The following C8B variants were observed in gnomAD, a reference collection of about 807,000 sequenced individuals.
The protein encoded by C8B is complement C8 beta chain, also known as complement component C8 beta chain.
C8B carries 67 observed loss-of-function variants against 64.6 expected under a neutral mutation model. That is an observed-to-expected ratio of 1.04 (90% CI 0.85 to 1.27). The LOEUF is 1.27. C8B is among the 50% of genes most tolerant of loss of function. C8B has a pLI of 0.00. For missense variants in C8B, 790 were observed against 725.2 expected (o/e 1.09, Z -1.03); for synonymous variants, 284 against 257.7 (o/e 1.10, Z -0.98).
At chr1:56,959,657 C>A (rs1057058574) in intron 2 of C8B, 2 of 1,529,568 alleles carry the variant, frequency 1.3e-6, no homozygotes, top group Admixed American at 3.9e-5. Context: ...TGGACTTGAT[C>A]CTAAGGGTCA....
intron 4 of C8B, 98 bp from the exon 5 acceptor site, chr1:56,952,278 A>G (rs531926532): frequency 3.4e-4 from 516 of 1,540,194 alleles, no homozygotes; most frequent in Middle Eastern, 3.3e-4. Context: ...ACTCCTTGGC[A>G]CAGCCTTCAA....
At chr1:56,945,730 T>C (rs1178006014) in intron 7 of C8B, 91 bp downstream of exon 7, 1 of 1,499,332 alleles carries the variant, frequency 6.7e-7, no homozygotes, top group Non-Finnish European at 9.3e-7. Context: ...ACTGTGAAGG[T>C]GTAGCCAGGA....
chr1:56,961,099 C>G (rs1645173825), intron 1 of C8B, among the ~76,000 whole-genome samples: 1 of 152,138 alleles, frequency 6.6e-6, no homozygotes, highest in African/African-American at 2.4e-5. Context: ...TTTCCTGGAG[C>G]ACATTGGGTT....
chr1:56,955,308 G>A (rs955408296), intron 3 of C8B, among the ~76,000 whole-genome samples: 6 of 152,176 alleles, frequency 3.9e-5, no homozygotes, highest in African/African-American at 1.2e-4. Context: ...TGAGGGCCAA[G>A]TGCACATTAA....
chr1:56,948,274 A>G (rs1644972246), intron 6 of C8B, among the ~76,000 whole-genome samples: 1 of 152,222 alleles, frequency 6.6e-6, no homozygotes, highest in African/African-American at 2.4e-5. Flanking sequence ...AGTTGGGCAC[A>G]GTAAGAGATG....
intron 1 of C8B, chr1:56,963,828 A>AAT: frequency 1.0e-6 from 1 of 981,368 alleles, no homozygotes; most frequent in Non-Finnish European, 1.2e-6. Flanking sequence ...ACAGAGTGGC[A>AAT]ATACATAATA....
chr1:56,961,541 G>A (rs941097185), intron 1 of C8B, among the ~76,000 whole-genome samples: 6 of 152,100 alleles, frequency 3.9e-5, no homozygotes, highest in African/African-American at 7.2e-5. Flanking sequence ...GGTTTTGTCC[G>A]TTGCCCCATG....
intron 1 of C8B, among the ~76,000 whole-genome samples, chr1:56,962,534 C>G (rs540603265): frequency 5.9e-5 from 9 of 152,266 alleles, no homozygotes; most frequent in African/African-American, 1.9e-4. Flanking sequence ...GACCAACTGA[C>G]TAAACTTCTG....
At position 56,929,678 on chromosome 1, in the gene C8B, C is replaced by A. The variant is rs1159977052; in HGVS notation, c.1622-120G>T. On this transcript the variant is annotated intron_variant, in intron 11 of 11. Coordinates refer to ENST00000371237, the MANE Select transcript of C8B (RefSeq NM_000066.4). Reference sequence around the variant, plus strand: ...GGAGTCTGAATCTCTGAGCTCCCTGCTGCCATTTTCCTGGCCATTGTACTT... The same window carrying A: ...GGAGTCTGAATCTCTGAGCTCCCTGATGCCATTTTCCTGGCCATTGTACTT... 4.4e-6 allele frequency: 4 copies of A among 916,228 alleles called. No individual in the cohort carries two copies. In the East Asian group the frequency reaches 7.7e-5, roughly 18 times the overall value. 56.8% of individuals were successfully genotyped at this position (916,228 alleles called of 1,614,324 possible).
chr1:56,961,246 T>C (rs912979736), intron 1 of C8B, among the ~76,000 whole-genome samples: 2 of 152,254 alleles, frequency 1.3e-5, no homozygotes, highest in South Asian at 4.1e-4. Context: ...TTCTTTGTAA[T>C]TTGTGTTCCT....
intron 1 of C8B, among the ~76,000 whole-genome samples, chr1:56,964,682 T>C (rs2101481043): frequency 6.6e-6 from 1 of 152,332 alleles, no homozygotes; most frequent in Middle Eastern, 3.4e-3. Flanking sequence ...GCATCTTTTG[T>C]AACGGTACAC....
At chr1:56,949,922 G>T (rs835904) in intron 5 of C8B, among the ~76,000 whole-genome samples, 170 bp from the exon 6 acceptor site, 11,560 of 152,180 alleles carry the variant, frequency 0.076, 598 homozygotes, top group African/African-American at 0.15. Context: ...TCTTGGTTCA[G>T]TAGCAGAGAC....
chr1:56,952,280 A>T lies in C8B; in HGVS notation c.534-100T>A, dbSNP rs1490467344. ...AACGAAAACAAAAACTCCTTGGCAC[A>T]GCCTTCAAGGCCCTTGATACCTGGT... On this transcript the variant is annotated intron_variant, in intron 4 of 11. Coordinates refer to ENST00000371237, the MANE Select transcript of C8B (RefSeq NM_000066.4). The T allele has an allele frequency of 6.6e-6, 10 of 1,521,304 alleles. No homozygotes were observed. In the Admixed American group the frequency reaches 1.7e-4, roughly 25 times the overall value. 94.2% of individuals were successfully genotyped at this position (1,521,304 alleles called of 1,614,324 possible).
intron 2 of C8B, among the ~76,000 whole-genome samples, chr1:56,958,211 G>A (rs1270904910): frequency 6.6e-6 from 1 of 152,168 alleles, no homozygotes; most frequent in East Asian, 1.9e-4. Flanking sequence ...CTGCTGCAGA[G>A]GAAGAAAGTG....
Position 56,929,497 on chromosome 1 carries a change from A to AC in C8B, c.1682dup (p.Lys562Ter). ...TGTTACACTGCCTTTGTCTTGTCTT[A>AC]CGTCTTCCAGAGCATGAAGACCAAT... On this transcript the variant is annotated frameshift_variant, in exon 12 of 12. Transcript: ENST00000371237. LOFTEE classifies it low-confidence loss of function (END_TRUNC). 6.2e-7 allele frequency: 1 copy of AC among 1,613,786 alleles called. No individual in the cohort carries two copies. Among genetic ancestry groups the AC allele is most frequent in the Non-Finnish European group, 8.5e-7 (1 of 1,179,904 alleles).
At chr1:56,965,796 A>G (rs1019449719) in intron 1 of C8B, 61 bp downstream of exon 1, 63 of 1,575,624 alleles carry the variant, frequency 4.0e-5, no homozygotes, top group Non-Finnish European at 5.5e-5. Context: ...GGTCAGCATC[A>G]TGTGGCTGCA....
At position 56,953,053 on chromosome 1, in the gene C8B, G is replaced by T. The variant is rs78415143; in HGVS notation, c.534-873C>A. On this transcript the variant is annotated intron_variant, in intron 4 of 11. Transcript: ENST00000371237. ...TAACTGGTGACAAACACAGCAGTGG[G>T]TAGCTACGTGCATCATCTCATTAGT... Among the ~76,000 whole-genome samples, 4 of 152,136 alleles carry T rather than the reference G, an allele frequency of 2.6e-5. No individual in the cohort carries two copies. In the East Asian group the frequency reaches 5.8e-4, roughly 22 times the overall value.
intron 1 of C8B, among the ~76,000 whole-genome samples, chr1:56,965,398 A>AGAGAGAGTGTGTGT (rs1553120321): frequency 8.4e-5 from 12 of 142,578 alleles, no homozygotes; most frequent in Non-Finnish European, 1.5e-4. Flanking sequence ...AGAGAGAGAG[A>AGAGAGAGTGTGTGT]GTGTGTGTGT....
At chr1:56,959,633 G>A (rs1370143320) in intron 2 of C8B, 11 of 1,535,016 alleles carry the variant, frequency 7.2e-6, no homozygotes, top group Admixed American at 3.9e-5. Context: ...AGGGATCCTC[G>A]AAAACCATGA....
Sources: gnomAD v4.1 joint callset for allele counts (sites outside exome capture counted in the v4.1 genomes callset) on GRCh38, gnomAD v4.1.1 for gene constraint, MANE v1.5 for transcripts, NCBI Gene and HGNC (gene_info 2026-07-23, HGNC 2026-07-21) for gene names.